ELOVL2: variants seen among roughly 807,000 people sequenced by gnomAD.
ELOVL2 encodes ELOVL fatty acid elongase 2, also known as very long chain fatty acid elongase 2.
Under a neutral mutation model 37.7 loss-of-function variants are expected in ELOVL2, and 38 were observed. The ratio of observed to expected loss-of-function variants is 1.01; its 90% confidence interval spans 0.78 to 1.32. ELOVL2 has a LOEUF of 1.32. ELOVL2 is among the 40% of genes most tolerant of loss of function. The pLI is 0.00. For synonymous variants in ELOVL2, 115 were observed against 122.3 expected, an observed-to-expected ratio of 0.94 and a Z score of 0.40; for missense variants, 352 against 363.6, an observed-to-expected ratio of 0.97 and a Z score of 0.26.
chr6:11,014,998 T>C (rs1782648080), intron 1 of ELOVL2, among the ~76,000 whole-genome samples: 1 of 152,238 alleles, frequency 6.6e-6, no homozygotes, highest in Non-Finnish European at 1.5e-5. Flanking sequence ...GGTGACAAAT[T>C]GTGTATAGCC....
chr6:11,007,222 G>T (rs1364984477), intron 2 of ELOVL2, among the ~76,000 whole-genome samples: 2 of 152,182 alleles, frequency 1.3e-5, no homozygotes, highest in Non-Finnish European at 2.9e-5. Context: ...AGACTGAATT[G>T]TGTCCCCCAC....
At position 11,000,176 on chromosome 6, in the gene ELOVL2, C is replaced by A. The variant is rs751412187; in HGVS notation, c.256-12G>T. 3.1e-6 allele frequency: 5 copies of A among 1,613,170 alleles called. No individual in the cohort carries two copies. In the South Asian group the frequency reaches 3.3e-5, roughly 11 times the overall value. The stretch of plus-strand genomic sequence containing the variant: ...GTGGAGAGAATGAGCTGCCAAAGAA[C>A]CAAGAAAGAAAGAAAAACAAACATC... On this transcript the variant is annotated splice_polypyrimidine_tract_variant and intron_variant, in intron 3 of 7. Transcript: ENST00000354666.
intron 7 of ELOVL2, among the ~76,000 whole-genome samples, chr6:10,985,932 C>T (rs898216856): frequency 9.9e-5 from 15 of 152,030 alleles, no homozygotes; most frequent in Non-Finnish European, 1.5e-4. Context: ...TATAAATTAC[C>T]TTGGGCAGTA....
chr6:11,028,825 C>T (rs1490363704), intron 1 of ELOVL2, among the ~76,000 whole-genome samples: 1 of 151,972 alleles, frequency 6.6e-6, no homozygotes, highest in African/African-American at 2.4e-5. Flanking sequence ...CTCTATAAGG[C>T]AGGTATGTTC....
chr6:11,007,764 C>T (rs1782504424), intron 2 of ELOVL2, among the ~76,000 whole-genome samples: 1 of 152,190 alleles, frequency 6.6e-6, no homozygotes, highest in East Asian at 1.9e-4. Context: ...GGTCTTATAT[C>T]TCTACTCTGT....
intron 2 of ELOVL2, among the ~76,000 whole-genome samples, 162 bp from the exon 3 acceptor site, chr6:11,005,721 G>T (rs990482619): frequency 2.0e-5 from 3 of 152,206 alleles, no homozygotes; most frequent in African/African-American, 7.2e-5. Flanking sequence ...GGAAGAGGAA[G>T]CCTGTGGGCT....
chr6:10,989,655 A>G, intron 7 of ELOVL2, 48 bp downstream of exon 7: 2 of 1,552,622 alleles, frequency 1.3e-6, no homozygotes, highest in Non-Finnish European at 1.8e-6. Flanking sequence ...AAAAAAAAAT[A>G]GTGCCAATCG....
intron 7 of ELOVL2, among the ~76,000 whole-genome samples, chr6:10,985,914 A>G (rs1324007906): frequency 1.3e-5 from 2 of 152,040 alleles, no homozygotes; most frequent in Admixed American, 6.5e-5. Flanking sequence ...TGGGGATGGC[A>G]TTGAATCTAT....
At chr6:11,020,022 G>A (rs1385792354) in intron 1 of ELOVL2, among the ~76,000 whole-genome samples, 3 of 152,194 alleles carry the variant, frequency 2.0e-5, no homozygotes, top group African/African-American at 7.2e-5. Flanking sequence ...GGGATTACAG[G>A]CGTGAGCCAC....
At chr6:11,019,271 C>T (rs1398881871) in intron 1 of ELOVL2, among the ~76,000 whole-genome samples, 5 of 152,178 alleles carry the variant, frequency 3.3e-5, no homozygotes, top group Non-Finnish European at 5.9e-5. Flanking sequence ...CCATCACATG[C>T]TGACAAGATT....
chr6:11,028,568 G>A (rs1782870736), intron 1 of ELOVL2, among the ~76,000 whole-genome samples: 1 of 151,470 alleles, frequency 6.6e-6, no homozygotes, highest in Admixed American at 6.6e-5. Context: ...CCCCACAGCA[G>A]CCATGAAAGC....
chr6:11,012,528 C>A (rs769002505), intron 1 of ELOVL2, among the ~76,000 whole-genome samples: 1 of 152,332 alleles, frequency 6.6e-6, no homozygotes, highest in Non-Finnish European at 1.5e-5. Flanking sequence ...GCTGCACCCA[C>A]AAACAAATGT....
At chr6:11,004,060 G>T (rs1246479832) in intron 3 of ELOVL2, among the ~76,000 whole-genome samples, 1 of 151,436 alleles carries the variant, frequency 6.6e-6, no homozygotes, top group African/African-American at 2.4e-5. Flanking sequence ...TCCAGCCTGG[G>T]TGACACAGCA....
At chr6:11,039,168 T>C (rs78793420) in intron 1 of ELOVL2, among the ~76,000 whole-genome samples, 3,475 of 152,318 alleles carry the variant, frequency 0.023, 152 homozygotes, top group East Asian at 0.19. Context: ...AACAATCTTG[T>C]GACAGAGATA....
chr6:11,004,915 T>C (rs1014454183), intron 3 of ELOVL2, among the ~76,000 whole-genome samples: 5 of 152,092 alleles, frequency 3.3e-5, no homozygotes, highest in African/African-American at 1.2e-4. Context: ...TCCCAGCACT[T>C]TGGGAGGCCA....
rs150855459 is a variant in ELOVL2 at position 10,998,039 on chromosome 6, G to T, written c.333+2048C>A. Among the ~76,000 whole-genome samples the T allele has an allele frequency of 2.3e-3, 356 of 152,242 alleles. 1 individual carries two copies. Among genetic ancestry groups the T allele is most frequent in the African/African-American group, 8.0e-3 (332 of 41,550 alleles). On this transcript the variant is annotated intron_variant, in intron 4 of 7. Coordinates refer to ENST00000354666, the MANE Select transcript of ELOVL2 (RefSeq NM_017770.4). ...TGAATGGCTTGGTGCCCCTCCTGTG[G>T]TGAGTTACTGTAAGATCTAATTGTT...
intron 1 of ELOVL2, among the ~76,000 whole-genome samples, chr6:11,042,032 G>A (rs1022017607): frequency 4.0e-5 from 6 of 149,768 alleles, no homozygotes; most frequent in Non-Finnish European, 7.4e-5. Flanking sequence ...GATTTCAGCC[G>A]GGCATGGTGG....
At chr6:11,011,270 G>C (rs565148588) in intron 1 of ELOVL2, among the ~76,000 whole-genome samples, 51 of 151,892 alleles carry the variant, frequency 3.4e-4, no homozygotes, top group Admixed American at 1.8e-3. Flanking sequence ...GGAGGCTGAG[G>C]CAGAAGAATG....
rs749604920 is a variant in ELOVL2 at position 10,983,713 on chromosome 6, A to G, written c.*68T>C. On this transcript the variant is annotated 3_prime_UTR_variant, in exon 8 of 8. Transcript: ENST00000354666. ...TTTATCCTAAAACATGTAACCTTCAATTCAGTCTTTGCTTTAAAACAAGCC... is the reference window on the plus strand; with the variant it reads ...TTTATCCTAAAACATGTAACCTTCAGTTCAGTCTTTGCTTTAAAACAAGCC... 1.3e-4 allele frequency: 197 copies of G among 1,495,420 alleles called. 1 individual carries two copies. The highest frequency in any genetic ancestry group is 1.6e-4 in the Non-Finnish European group (179 of 1,115,236). 92.6% of individuals were successfully genotyped at this position (1,495,420 alleles called of 1,614,324 possible).
Sources: allele counts gnomAD v4.1 joint callset (sites outside exome capture counted in the v4.1 genomes callset), GRCh38; gene constraint gnomAD v4.1.1; transcripts MANE v1.5; gene names NCBI Gene and HGNC (gene_info 2026-07-23, HGNC 2026-07-21).